The following LCLAT1 variants were observed in gnomAD, a reference collection of about 807,000 sequenced individuals.
The protein encoded by LCLAT1 is lysocardiolipin acyltransferase 1.
In LCLAT1, 11 loss-of-function variants were observed where a neutral mutation model predicts 30.7. The ratio of observed to expected loss-of-function variants is 0.36; its 90% CI spans 0.23 to 0.59. The LOEUF is 0.59. Ranked by LOEUF, LCLAT1 falls within the 20% of genes least tolerant of loss-of-function variation. The pLI is 0.77. For synonymous variants in LCLAT1, 155 were observed against 151.3 expected (o/e 1.02, Z -0.18); for missense variants, 402 against 458.6 (o/e 0.88, Z 1.13).
At chr2:30,482,922 A>G (rs749013057) in intron 1 of LCLAT1, among the ~76,000 whole-genome samples, 2 of 152,194 alleles carry the variant, frequency 1.3e-5, no homozygotes, top group Non-Finnish European at 2.9e-5. Context: ...ATCTTAGATC[A>G]TCAAAAGCAA....
At chr2:30,496,834 C>T (rs1004134719) in intron 1 of LCLAT1, among the ~76,000 whole-genome samples, 1 of 152,162 alleles carries the variant, frequency 6.6e-6, no homozygotes, top group Non-Finnish European at 1.5e-5. Flanking sequence ...CTTTCTTCAG[C>T]CCTGTCTCCA....
Position 30,606,133 on chromosome 2 carries a change from A to C in LCLAT1, c.629-33984A>C, listed in dbSNP as rs1288765356. On this transcript the variant is annotated intron_variant, in intron 5 of 5. Coordinates refer to ENST00000379509, the MANE Select transcript of LCLAT1 (RefSeq NM_001002257.3). ...AAACACTCCATGCTCATGGATTGGA[A>C]GAATCAATATCGTGAAATTGGCCAT... 4 of 824,112 alleles carry C rather than the reference A, an allele frequency of 4.9e-6. No homozygotes were observed. In the East Asian group the frequency reaches 3.3e-4, roughly 69 times the overall value. The allele number at this position is 824,112 out of a possible 1,614,324, so 51.0% of individuals were successfully genotyped here. A position where few individuals can be genotyped will look rare whatever the true frequency, so the allele number is the denominator to read the frequency against.
intron 1 of LCLAT1, among the ~76,000 whole-genome samples, chr2:30,470,480 A>G (rs1007489645): frequency 2.6e-5 from 4 of 152,208 alleles, no homozygotes; most frequent in Admixed American, 6.5e-5. Context: ...GGAAAGGACT[A>G]TTATCATATT....
chr2:30,531,537 A>G (rs1383337151), intron 2 of LCLAT1, among the ~76,000 whole-genome samples: 6 of 152,204 alleles, frequency 3.9e-5, no homozygotes, highest in African/African-American at 1.4e-4. Flanking sequence ...CTTGGAGGCC[A>G]TCGTTCTAGG....
intron 5 of LCLAT1, among the ~76,000 whole-genome samples, chr2:30,634,056 C>A (rs1266493087): frequency 6.6e-6 from 1 of 152,196 alleles, no homozygotes; most frequent in East Asian, 1.9e-4. Context: ...CAGTTATAGC[C>A]TGTAAGCTTC....
intron 1 of LCLAT1, among the ~76,000 whole-genome samples, chr2:30,523,001 T>C (rs1321469025): frequency 6.6e-6 from 1 of 151,976 alleles, no homozygotes; most frequent in African/African-American, 2.4e-5. Context: ...TCACATCAAA[T>C]CAGAAATTGG....
intron 5 of LCLAT1, among the ~76,000 whole-genome samples, chr2:30,637,650 T>C (rs528551357): frequency 1.3e-5 from 2 of 152,194 alleles, no homozygotes; most frequent in Non-Finnish European, 2.9e-5. Flanking sequence ...CGATCTCAGC[T>C]CACTGCAACC....
chr2:30,556,150 A>G (rs1424909783), intron 3 of LCLAT1, among the ~76,000 whole-genome samples: 9 of 152,254 alleles, frequency 5.9e-5, no homozygotes, highest in Non-Finnish European at 8.8e-5. Context: ...GGTCCATACT[A>G]TCTCTGTTGT....
intron 5 of LCLAT1, among the ~76,000 whole-genome samples, chr2:30,609,651 G>T (rs935921303): frequency 2.6e-5 from 4 of 152,120 alleles, no homozygotes; most frequent in African/African-American, 9.7e-5. Flanking sequence ...TACCAGGATA[G>T]CCTTTTTGTG....
In LCLAT1 at chr2:30,553,705, C is replaced by G. The variant is rs201716534; in HGVS notation, c.365-8441C>G. 2.0e-5 allele frequency among the ~76,000 whole-genome samples: 3 copies of G among 152,044 alleles called. No individual in the cohort carries two copies. In the East Asian group the frequency reaches 5.8e-4, roughly 29 times the overall value. ...TGGTGGGCGCCTGTAGTCCCAGCTACTCGGGAGGCTGAGGCAGGAGAATGG... is the reference window on the plus strand; with the variant it reads ...TGGTGGGCGCCTGTAGTCCCAGCTAGTCGGGAGGCTGAGGCAGGAGAATGG... On this transcript the variant is annotated intron_variant, in intron 3 of 5. Coordinates refer to ENST00000379509, the MANE Select transcript of LCLAT1 (RefSeq NM_001002257.3).
At chr2:30,508,797 T>G (rs889374647) in intron 1 of LCLAT1, among the ~76,000 whole-genome samples, 1 of 152,216 alleles carries the variant, frequency 6.6e-6, no homozygotes, top group Non-Finnish European at 1.5e-5. Flanking sequence ...TTTCTAGTTC[T>G]GTGAAGAATG....
At chr2:30,632,469 A>G (rs1358372974) in intron 5 of LCLAT1, among the ~76,000 whole-genome samples, 6 of 152,240 alleles carry the variant, frequency 3.9e-5, no homozygotes, top group Admixed American at 6.5e-5. Context: ...TTCTCCCTCT[A>G]TGCTATGGGA....
At chr2:30,456,318 G>A (rs972854898) in intron 1 of LCLAT1, among the ~76,000 whole-genome samples, 3 of 152,192 alleles carry the variant, frequency 2.0e-5, no homozygotes, top group Non-Finnish European at 2.9e-5. Flanking sequence ...CACGCCAGTG[G>A]GGATGAGAAG....
At chr2:30,461,887 C>T (rs1246207429) in intron 1 of LCLAT1, among the ~76,000 whole-genome samples, 1 of 150,546 alleles carries the variant, frequency 6.6e-6, no homozygotes, top group Non-Finnish European at 1.5e-5. Flanking sequence ...TCTCCTGCCT[C>T]AGCCTCCCGC....
At chr2:30,449,501 CTTTT>C (rs1200587860) in intron 1 of LCLAT1, among the ~76,000 whole-genome samples, 4 of 136,926 alleles carry the variant, frequency 2.9e-5, no homozygotes, top group Non-Finnish European at 4.8e-5. Context: ...TGACTAATTT[CTTTT>C]TTTTTTTTTT....
intron 1 of LCLAT1, among the ~76,000 whole-genome samples, chr2:30,467,306 A>G (rs1447892658): frequency 6.6e-6 from 1 of 152,204 alleles, no homozygotes; most frequent in East Asian, 1.9e-4. Flanking sequence ...TCCATGGTGT[A>G]TATGTGCCAC....
At chr2:30,587,322 GTT>G (rs60077705) in intron 5 of LCLAT1, among the ~76,000 whole-genome samples, 2 of 150,424 alleles carry the variant, frequency 1.3e-5, no homozygotes, top group Non-Finnish European at 3.0e-5. Context: ...AAACATGGTA[GTT>G]TTTTTTTTAT....
intron 5 of LCLAT1, among the ~76,000 whole-genome samples, chr2:30,589,205 A>AT (rs1666579933): frequency 6.6e-6 from 1 of 152,184 alleles, no homozygotes; most frequent in Non-Finnish European, 1.5e-5. Flanking sequence ...TTGACAAAAC[A>AT]TTTTTTTAAA....
intron 1 of LCLAT1, among the ~76,000 whole-genome samples, chr2:30,494,546 A>G (rs955772997): frequency 2.3e-5 from 2 of 86,058 alleles, no homozygotes; most frequent in African/African-American, 8.2e-5. Flanking sequence ...ATACATGCAT[A>G]CACACACGCA....
Sources: allele counts gnomAD v4.1 joint callset (sites outside exome capture counted in the v4.1 genomes callset), GRCh38; gene constraint gnomAD v4.1.1; transcripts MANE v1.5; gene names NCBI Gene and HGNC (gene_info 2026-07-23, HGNC 2026-07-21).